The following BRD2 variants were observed in gnomAD, a reference collection of about 807,000 sequenced individuals.
BRD2 encodes the protein bromodomain containing 2.
BRD2 carries 15 observed loss-of-function variants against 79.1 expected under a neutral mutation model. The observed-to-expected ratio is 0.19, with a 90% confidence interval of 0.13 to 0.29. The LOEUF is 0.29. Among genes scored for constraint, BRD2 ranks in the 10% least tolerant of loss-of-function variants. BRD2 has a pLI of 1.00. For missense variants in BRD2, 1,053 were observed against 991.3 expected (o/e 1.06, Z -0.84); for synonymous variants, 488 against 358.6 (o/e 1.36, Z -4.08).
At chr6:32,975,341 CATTT>C (rs756462539) in intron 3 of BRD2, 39 bp from the exon 4 acceptor site, 18 of 1,502,622 alleles carry the variant, frequency 1.2e-5, no homozygotes, top group Non-Finnish European at 2.7e-6. Flanking sequence ...TCCCTATAAG[CATTT>C]ATTTTTCTGT....
chr6:32,979,638 T>C, intron 10 of BRD2, 190 bp from the exon 11 acceptor site: 1 of 494,884 alleles, frequency 2.0e-6, no homozygotes, highest in Non-Finnish European at 3.3e-6. Context: ...TGTTATTGCC[T>C]ACTTACAGTC....
At chr6:32,975,082 T>A in intron 3 of BRD2, 3 of 1,513,922 alleles carry the variant, frequency 2.0e-6, no homozygotes, top group Non-Finnish European at 2.6e-6. Context: ...TTCCTTTCCC[T>A]CATGCAGCCC....
chr6:32,980,812 C>G lies in BRD2; in HGVS notation c.*94C>G. ...CCCTTCCCCCTTTGCTGTGACACTT[C>G]TTCATCTCACCCCCCCCCGCCCCCC... On this transcript the variant is annotated 3_prime_UTR_variant, in exon 13 of 13. Coordinates refer to ENST00000374825, the MANE Select transcript of BRD2 (RefSeq NM_005104.4). 1.4e-5 allele frequency: 20 copies of G among 1,451,070 alleles called. No homozygotes were observed. Among genetic ancestry groups the G allele is most frequent in the Non-Finnish European group, 1.3e-5 (14 of 1,054,584 alleles). 89.9% of individuals were successfully genotyped at this position (1,451,070 alleles called of 1,614,324 possible). A position where few individuals can be genotyped will look rare whatever the true frequency, so the allele number is the denominator to read the frequency against.
chr6:32,976,644 C>G lies in BRD2; in HGVS notation c.908C>G (p.Pro303Arg). The G allele has an allele frequency of 6.2e-7, 1 of 1,612,634 alleles. No homozygotes were observed. Among genetic ancestry groups the G allele is most frequent in the Non-Finnish European group, 8.5e-7 (1 of 1,179,970 alleles). Residue 303 changes from proline (P) to arginine (R), a missense_variant, in exon 7 of 13, where the codon CCT (proline) becomes CGT (arginine). This residue lies in a region of BRD2 where 454 missense variants were observed against 430.5 expected (regional missense o/e 1.05). Coordinates refer to ENST00000374825, the MANE Select transcript of BRD2 (RefSeq NM_005104.4). ...GCTCCTGGTTCTCCAGCTAGCCCTC[C>G]TGGGAGTCTTGAGCCTAAGGCAGCA... is the stretch of plus-strand genomic sequence containing the variant. Reference protein sequence around the residue: ...ILAPGSPASPPGSLEPKAARL... With the variant: ...ILAPGSPASPRGSLEPKAARL...
Position 32,972,564 on chromosome 6 carries a change from C to T in BRD2, c.-335C>T, listed in dbSNP as rs570183422. On this transcript the variant is annotated 5_prime_UTR_variant, in exon 2 of 13. Coordinates refer to ENST00000374825, the MANE Select transcript of BRD2 (RefSeq NM_005104.4). ...GGGGCCCGACAAGAAGAGGGAATCC[C>T]TGCAGACCAACAGCGGGCTATATTG... 1.5e-5 allele frequency: 7 copies of T among 474,784 alleles called. No individual in the cohort carries two copies. The Admixed American group carries it at 1.5e-4, about 10-fold the overall frequency. 29.4% of individuals were successfully genotyped at this position (474,784 alleles called of 1,614,324 possible). A position where few individuals can be genotyped will look rare whatever the true frequency, so the allele number is the denominator to read the frequency against.
rs1554148104 is a variant in BRD2 at position 32,980,105 on chromosome 6, C to A, written c.2119C>A (p.Leu707Ile). 6.2e-7 allele frequency: 1 copy of A among 1,612,338 alleles called. No individual in the cohort carries two copies. Among genetic ancestry groups the A allele is most frequent in the South Asian group, 1.1e-5 (1 of 91,078 alleles). Residue 707 changes from leucine to isoleucine, a missense_variant, in exon 11 of 13, where the codon CTA becomes ATA. By Grantham distance (5) the Leu-to-Ile change is conservative. Transcript: ENST00000374825. The part of the protein sequence containing the change: ...RELERYVLSC[L>I]RKKPRKPYTI... ...GCTTGAGCGCTATGTCCTTTCCTGC[C>A]TACGTAAGAAACCCCGGAAGCCCTA...
chr6:32,969,540 C>T (rs995659315), intron 1 of BRD2, among the ~76,000 whole-genome samples: 2 of 152,166 alleles, frequency 1.3e-5, no homozygotes, highest in Admixed American at 1.3e-4. Flanking sequence ...TGCTGTGCGC[C>T]CTTTGTGTCC....
chr6:32,978,038 T>TAAG, intron 9 of BRD2, 33 bp downstream of exon 9: 2 of 1,605,022 alleles, frequency 1.2e-6, no homozygotes, highest in Non-Finnish European at 1.7e-6. Flanking sequence ...TTTTATTGGG[T>TAAG]AAGAGGTTCA....
rs369193752 is a variant in BRD2 at position 32,974,574 on chromosome 6, A to G, written c.142A>G (p.Met48Val). The change falls in exon 3 of 13, where the codon ATG becomes GTG. Residue 48 changes from methionine (M) to valine (V), a missense_variant. By Grantham distance (21) the Met-to-Val change is conservative. Around this residue, in one of 5 missense-constraint regions of BRD2, gnomAD observed 413 missense variants for 335.1 expected, o/e 1.23. Transcript: ENST00000374825. ...GTATGAGGGCTTTGAGAGCCCCACA[A>G]TGGCTTCGGTGCCTGCTTTGCAACT... is the stretch of plus-strand genomic sequence containing the variant. ...LLYEGFESPT[M>V]ASVPALQLTP... 1.3e-5 allele frequency: 21 copies of G among 1,614,044 alleles called. No individual in the cohort carries two copies. In the East Asian group the frequency reaches 1.3e-4, roughly 10 times the overall value.
At position 32,976,340 on chromosome 6, in the gene BRD2, C is replaced by A. The variant is rs753685053; in HGVS notation, c.701C>A (p.Pro234His). 6.2e-7 allele frequency: 1 copy of A among 1,612,962 alleles called. No homozygotes were observed. The highest frequency in any genetic ancestry group is 1.1e-5 in the South Asian group (1 of 91,086). Residue 234 changes from proline (P) to histidine (H), a missense_variant, in exon 6 of 13, where the codon CCT (proline) becomes CAT (histidine). Pro to His is a moderately conservative substitution (Grantham distance 77, BLOSUM62 -2). Around this residue, in one of 5 missense-constraint regions of BRD2, gnomAD observed 413 missense variants for 335.1 expected, o/e 1.23. Transcript: ENST00000374825. ...CTGTATACTCCTCCACCTGAGATAC[C>A]TACCACTGTCCTCAACATTCCCCAC... ...TALYTPPPEI[P>H]TTVLNIPHPS...
In BRD2 at chr6:32,972,626, A is replaced by G; in HGVS notation, c.-273A>G. 1 of 582,924 alleles carries G rather than the reference A, an allele frequency of 1.7e-6. No homozygotes were observed. The highest frequency in any genetic ancestry group is 3.1e-6 in the Non-Finnish European group (1 of 327,134). The allele number at this position is 582,924 out of a possible 1,614,324, so 36.1% of individuals were successfully genotyped here. A position where few individuals can be genotyped will look rare whatever the true frequency, so the allele number is the denominator to read the frequency against. On this transcript the variant is annotated 5_prime_UTR_variant, in exon 2 of 13. Coordinates refer to ENST00000374825, the MANE Select transcript of BRD2 (RefSeq NM_005104.4). ...TGAGATCGGGGACCGTCTTTTGAAG[A>G]GTCAGTCCCTCCTTAGTTGCCCGCC...
Position 32,977,764 on chromosome 6 carries a change from T to A in BRD2, c.1337T>A (p.Phe446Tyr). ...VAMARKLQDVFEFRYAKMPDE... is the reference protein window; with the variant it reads ...VAMARKLQDVYEFRYAKMPDE... ...GTTTGTGCCTCTTTGTAGGATGTAT[T>A]TGAGTTCCGTTATGCCAAGATGCCA... The change falls in exon 9 of 13, where the codon TTT (phenylalanine) becomes TAT (tyrosine). Residue 446 changes from phenylalanine to tyrosine, a missense_variant. Physicochemically the swap from Phe to Tyr is conservative, Grantham distance 22. Around this residue, in one of 5 missense-constraint regions of BRD2, gnomAD observed 454 missense variants for 430.5 expected, o/e 1.05. Coordinates refer to ENST00000374825, the MANE Select transcript of BRD2 (RefSeq NM_005104.4). The A allele has an allele frequency of 6.2e-7, 1 of 1,613,080 alleles. No homozygotes were observed. The highest frequency in any genetic ancestry group is 8.5e-7 in the Non-Finnish European group (1 of 1,180,024).
chr6:32,972,646 C>G lies in BRD2; in HGVS notation c.-253C>G, dbSNP rs536280836. ...TGAAGAGTCAGTCCCTCCTTAGTTG[C>G]CCGCCTCAGCTGAGGCCGCCGCCAT... is the stretch of plus-strand genomic sequence containing the variant. On this transcript the variant is annotated 5_prime_UTR_variant, in exon 2 of 13. Coordinates refer to ENST00000374825, the MANE Select transcript of BRD2 (RefSeq NM_005104.4). 3.3e-5 allele frequency: 20 copies of G among 600,932 alleles called. No homozygotes were observed. The South Asian group carries it at 3.6e-4, about 11-fold the overall frequency. 37.2% of individuals were successfully genotyped at this position (600,932 alleles called of 1,614,324 possible).
chr6:32,977,546 T>A lies in BRD2; in HGVS notation c.1305T>A (p.Val435=). 1 of 1,614,048 alleles carries A rather than the reference T, an allele frequency of 6.2e-7. No homozygotes were observed. The highest frequency in any genetic ancestry group is 8.5e-7 in the Non-Finnish European group (1 of 1,180,042). ...AGTACAATCCCCCAGATCACGATGT[T>A]GTGGCAATGGCACGAAAGCTACAGG... The part of the protein sequence containing the change: ...CYKYNPPDHD[V]VAMARKLQDV... The change falls in exon 8 of 13, where the codon GTT becomes GTA. Residue 435 remains valine, a synonymous_variant. Coordinates refer to ENST00000374825, the MANE Select transcript of BRD2 (RefSeq NM_005104.4).
intron 2 of BRD2, among the ~76,000 whole-genome samples, chr6:32,973,375 G>A (rs972843929): frequency 1.3e-5 from 2 of 152,094 alleles, no homozygotes; most frequent in African/African-American, 4.8e-5. Context: ...AGGGTAAAGG[G>A]ATCACTCTCC....
At position 32,980,450 on chromosome 6, in the gene BRD2, A is replaced by C. The variant is rs772676674; in HGVS notation, c.2255A>C (p.Lys752Thr). ...AGCGGACAGCTCAATTCTACTAAAA[A>C]GCCCCCCAAGAAAGGTGAGTATATA... ...DVSGQLNSTK[K>T]PPKKANEKTE... The change falls in exon 12 of 13, where the codon AAG (lysine) becomes ACG (threonine). Residue 752 changes from lysine (K) to threonine (T), a missense_variant. Physicochemically the swap from Lys to Thr is moderately conservative, Grantham distance 78. This residue lies in a region of BRD2 where 139 missense variants were observed against 133.2 expected (regional missense o/e 1.04). Transcript: ENST00000374825. 1 of 1,613,042 alleles carries C rather than the reference A, an allele frequency of 6.2e-7. No homozygotes were observed.
chr6:32,971,795 CTT>C lies in BRD2; in HGVS notation c.-1102_-1101del, dbSNP rs1180742681. ...GGCTGTGCATGGAAGCTTGGGAAGA[CTT>C]TGTTGGAAGGGGAGGCGGGGAGAGA... On this transcript the variant is annotated 5_prime_UTR_variant, in exon 2 of 13. The change creates a premature stop within an existing upstream ORF in the 5' untranslated region. Coordinates refer to ENST00000374825, the MANE Select transcript of BRD2 (RefSeq NM_005104.4). 30 of 633,856 alleles carry C rather than the reference CTT, an allele frequency of 4.7e-5. No homozygotes were observed. The highest frequency in any genetic ancestry group is 1.8e-4 in the African/African-American group (10 of 54,944). 39.3% of individuals were successfully genotyped at this position (633,856 alleles called of 1,614,324 possible).
rs755194471 is a variant in BRD2 at position 32,980,562 on chromosome 6, C to T, written c.2270-20C>T. The T allele has an allele frequency of 5.0e-6, 8 of 1,613,032 alleles. No individual in the cohort carries two copies. The highest frequency in any genetic ancestry group is 4.4e-5 in the South Asian group (4 of 91,084). On this transcript the variant is annotated intron_variant, in intron 12 of 12. Coordinates refer to ENST00000374825, the MANE Select transcript of BRD2 (RefSeq NM_005104.4). ...AAGATTCAGACTTGAACGTCTTTAA[C>T]TTTCGAATTTGTTCTGCAGCGAATG...
Position 32,980,427 on chromosome 6 carries a change from C to T in BRD2, c.2232C>T (p.Ser744=), listed in dbSNP as rs776024846. 19 of 1,612,966 alleles carry T rather than the reference C, an allele frequency of 1.2e-5. No individual in the cohort carries two copies. Among genetic ancestry groups the T allele is most frequent in the Middle Eastern group, 1.6e-4 (1 of 6,084 alleles). Residue 744 remains serine (S), a synonymous_variant, in exon 12 of 13, where the codon AGC becomes AGT. Transcript: ENST00000374825. ...TAGAAAAGCGGTTACAAGATGTCAGCGGACAGCTCAATTCTACTAAAAAGC... is the reference window on the plus strand; with the variant it reads ...TAGAAAAGCGGTTACAAGATGTCAGTGGACAGCTCAATTCTACTAAAAAGC... ...RELEKRLQDV[S]GQLNSTKKPP... is the part of the protein sequence containing the mutation.
Sources: gnomAD v4.1 joint callset for allele counts (sites outside exome capture counted in the v4.1 genomes callset) on GRCh38, gnomAD v4.1.1 for gene constraint, gnomAD v4.1.1 regional missense constraint, MANE v1.5 for transcripts, NCBI Gene and HGNC (gene_info 2026-07-23, HGNC 2026-07-21) for gene names.